Variants in CASK observed in about 807,000 individuals in gnomAD.
The protein encoded by CASK is calcium/calmodulin dependent serine protein kinase.
A neutral mutation model predicts 82.9 loss-of-function variants in CASK; 4 were observed. The observed-to-expected ratio is 0.05, with a 90% confidence interval of 0.02 to 0.11. The LOEUF is 0.11. Ranked by LOEUF, CASK falls within the 10% of genes least tolerant of loss-of-function variation. The probability of loss-of-function intolerance (pLI) is 1.00; values close to 1 mark genes in which losing one functional copy is unlikely to be tolerated. For missense variants in CASK, 358 were observed against 720.9 expected, an observed-to-expected ratio of 0.50 and a Z score of 5.76; for synonymous variants, 259 against 253.5, an observed-to-expected ratio of 1.02 and a Z score of -0.20.
chrX:41,853,195 T>C lies in CASK; in HGVS notation c.92A>G (p.Asn31Ser). ...AGCAAATTGTTGCCCAGTTTCTCTG[T>C]TGATACATCGTCGTACAACACTGAA... ...GPFSVVRRCI[N>S]RETGQQFAVK... The change falls in exon 2 of 27, where the codon AAC becomes AGC. Residue 31 changes from asparagine to serine, a missense_variant. Transcript: ENST00000378163. The C allele has an allele frequency of 8.3e-7, 1 of 1,205,149 alleles. No homozygotes were observed. The highest frequency in any genetic ancestry group is 1.8e-5 in the South Asian group (1 of 56,808).
intron 1 of CASK, among the ~76,000 whole-genome samples, chrX:41,872,937 G>A (rs138485576): frequency 0.038 from 4,217 of 110,826 alleles, 67 homozygotes; most frequent in South Asian, 0.083. Context: ...ATTAGCTGGG[G>A]CCATGGGCTA....
chrX:41,921,669 T>A (rs1385029528), intron 1 of CASK, among the ~76,000 whole-genome samples: 2 of 110,637 alleles, frequency 1.8e-5, no homozygotes, highest in Non-Finnish European at 3.8e-5. Context: ...CTGAGTAAAG[T>A]GTGTAGCAAG....
At chrX:41,880,967 C>A (rs1453924777) in intron 1 of CASK, among the ~76,000 whole-genome samples, 1 of 111,482 alleles carries the variant, frequency 9.0e-6, no homozygotes, top group African/African-American at 3.3e-5. Context: ...ATCTATCTTT[C>A]CAGCCTCATC....
chrX:41,695,868 T>C (rs1232572331), intron 5 of CASK: 1 of 1,207,452 alleles, frequency 8.3e-7, no homozygotes, highest in African/African-American at 1.7e-5. Flanking sequence ...CCTCTATGTA[T>C]TTCTGGGTAT....
At chrX:41,897,254 G>A (rs974129819) in intron 1 of CASK, among the ~76,000 whole-genome samples, 4 of 111,426 alleles carry the variant, frequency 3.6e-5, no homozygotes, top group African/African-American at 1.3e-4. Context: ...GTCATATACA[G>A]CCTTTATTGT....
intron 12 of CASK, 105 bp downstream of exon 12, chrX:41,609,799 C>T (rs1006420383): frequency 2.5e-5 from 21 of 840,266 alleles, no homozygotes; most frequent in Non-Finnish European, 3.5e-5. Flanking sequence ...CCTCCTGATA[C>T]GCCCGCCTCT....
intron 2 of CASK, among the ~76,000 whole-genome samples, chrX:41,788,806 T>C (rs1187818646): frequency 5.4e-5 from 6 of 111,813 alleles, no homozygotes; most frequent in Non-Finnish European, 9.4e-5. Flanking sequence ...GATCAACTTT[T>C]GGGGAGGAGT....
At chrX:41,734,201 G>T (rs1041941201) in intron 5 of CASK, among the ~76,000 whole-genome samples, 2 of 112,040 alleles carry the variant, frequency 1.8e-5, no homozygotes, top group South Asian at 7.4e-4. Flanking sequence ...ATTGTGGGTA[G>T]CAATTTGCAT....
intron 10 of CASK, among the ~76,000 whole-genome samples, chrX:41,623,133 A>G (rs913064834): frequency 9.0e-6 from 1 of 110,813 alleles, no homozygotes; most frequent in Non-Finnish European, 1.9e-5. Context: ...ACCTCAAGTG[A>G]TCCACCCACT....
intron 5 of CASK, among the ~76,000 whole-genome samples, chrX:41,694,896 C>T (rs1052752947): frequency 8.9e-6 from 1 of 111,984 alleles, no homozygotes; most frequent in African/African-American, 3.2e-5. Flanking sequence ...TGTAGCAATA[C>T]ATGTCAAAAT....
intron 4 of CASK, among the ~76,000 whole-genome samples, chrX:41,742,880 CCT>C (rs1213100827): frequency 8.9e-6 from 1 of 111,785 alleles, no homozygotes; most frequent in Non-Finnish European, 1.9e-5. Flanking sequence ...TGCCTCCAAA[CCT>C]CTCTCTTTGC....
intron 2 of CASK, among the ~76,000 whole-genome samples, chrX:41,795,612 GCCAAGATCATGCCACTGCACT>G (rs1258327458): frequency 9.0e-6 from 1 of 111,231 alleles, no homozygotes; most frequent in African/African-American, 3.3e-5. Context: ...GTTGCAGTCA[GCCAAGATCATGCCACTGCACT>G]CCAGCCTGGG....
At chrX:41,662,384 T>TA (rs1466090188) in intron 7 of CASK, among the ~76,000 whole-genome samples, 2 of 110,851 alleles carry the variant, frequency 1.8e-5, no homozygotes, top group Non-Finnish European at 1.9e-5. Context: ...CTGCTGGAGG[T>TA]AAAAAAAGAA....
intron 1 of CASK, among the ~76,000 whole-genome samples, chrX:41,915,905 G>A (rs112622933): frequency 0.06 from 6,645 of 111,156 alleles, 218 homozygotes; most frequent in Non-Finnish European, 0.094. Context: ...GGAGAATGGC[G>A]TGAACCTGGG....
intron 1 of CASK, among the ~76,000 whole-genome samples, chrX:41,892,547 A>G (rs1057049548): frequency 1.2e-4 from 13 of 110,449 alleles, no homozygotes; most frequent in African/African-American, 4.3e-4. Context: ...GTTGGCCAGG[A>G]TGGTCTCGAA....
chrX:41,700,579 CTTTTT>C, intron 5 of CASK, among the ~76,000 whole-genome samples: 1 of 65,188 alleles, frequency 1.5e-5, no homozygotes, highest in South Asian at 9.7e-4. Context: ...ACGTATATGA[CTTTTT>C]TTTTTTTTTT....
intron 8 of CASK, among the ~76,000 whole-genome samples, chrX:41,638,785 C>A (rs1307951849): frequency 1.8e-5 from 2 of 110,998 alleles, no homozygotes; most frequent in Non-Finnish European, 3.8e-5. Context: ...GTAGGCCATG[C>A]GGGCCTTTGG....
rs963266569 is a variant in CASK, at chrX:41,675,997, G to A, written c.430-4467C>T. ...AGAAGTTAAGGGCCAGACCTGGTCT[G>A]ATAGGATGTGTTGGTTGCATTTCCT... On this transcript the variant is annotated intron_variant, in intron 5 of 26. Coordinates refer to ENST00000378163, the MANE Select transcript of CASK (RefSeq NM_001367721.1). The A allele has an allele frequency of 4.1e-6, 5 of 1,206,437 alleles. No individual in the cohort carries two copies. In the Admixed American group the frequency reaches 1.1e-4, roughly 26 times the overall value.
rs1031091887 is a variant in CASK, at chrX:41,747,625, T to G, written c.279-2024A>C. 1.2e-4 allele frequency among the ~76,000 whole-genome samples: 13 copies of G among 111,663 alleles called. No homozygotes were observed. The East Asian group carries it at 3.1e-3, about 27-fold the overall frequency. ...GGCTAATTTTTTGTATTTGTTTTAG[T>G]AGAGACGGGGTTTCACCGTGTTAGC... On this transcript the variant is annotated intron_variant, in intron 3 of 26. Coordinates refer to ENST00000378163, the MANE Select transcript of CASK (RefSeq NM_001367721.1).
Sources: allele counts gnomAD v4.1 joint callset (sites outside exome capture counted in the v4.1 genomes callset), GRCh38; gene constraint gnomAD v4.1.1; transcripts MANE v1.5; gene names NCBI Gene and HGNC (gene_info 2026-07-23, HGNC 2026-07-21).